PPP2R2B: variants seen among roughly 807,000 people sequenced by gnomAD.
PPP2R2B encodes the protein protein phosphatase 2 regulatory subunit Bbeta.
A neutral mutation model predicts 46.0 loss-of-function variants in PPP2R2B; 5 were observed. The ratio of observed to expected loss-of-function variants is 0.11; its 90% CI spans 0.06 to 0.23. The LOEUF (loss-of-function observed/expected upper bound fraction) is 0.23. Ranked by LOEUF, PPP2R2B falls within the 10% of genes least tolerant of loss-of-function variation. PPP2R2B has a pLI of 1.00. For missense variants in PPP2R2B, 367 were observed against 575.0 expected (o/e 0.64, Z 3.70); for synonymous variants, 215 against 206.7 (o/e 1.04, Z -0.34).
chr5:147,018,043 G>GCACACACACA (rs60161356), intron 1 of PPP2R2B, among the ~76,000 whole-genome samples: 1 of 48,246 alleles, frequency 2.1e-5, no homozygotes, highest in African/African-American at 1.3e-4. Flanking sequence ...GCATGCGCGC[G>GCACACACACA]CACACACACA....
At chr5:146,926,336 T>C (rs1018796509) in intron 1 of PPP2R2B, among the ~76,000 whole-genome samples, 4 of 152,156 alleles carry the variant, frequency 2.6e-5, no homozygotes, top group Non-Finnish European at 5.9e-5. Context: ...AGGCTACTAA[T>C]GCCTATGCTA....
intron 2 of PPP2R2B, among the ~76,000 whole-genome samples, chr5:146,810,317 C>A (rs1479941540): frequency 6.6e-6 from 1 of 152,014 alleles, no homozygotes; most frequent in African/African-American, 2.4e-5. Context: ...TGGTGGCGGG[C>A]AAGAGAAGAC....
intron 1 of PPP2R2B, among the ~76,000 whole-genome samples, chr5:146,947,873 CTCT>C (rs1384284762): frequency 6.6e-6 from 1 of 151,516 alleles, no homozygotes; most frequent in African/African-American, 2.4e-5. Flanking sequence ...CCCTTGCGTT[CTCT>C]TCTTTTCCTC....
intron 2 of PPP2R2B, among the ~76,000 whole-genome samples, chr5:146,721,966 G>T (rs1469410708): frequency 1.3e-5 from 2 of 152,206 alleles, no homozygotes; most frequent in African/African-American, 4.8e-5. Context: ...CAGGCTCTGT[G>T]TGAAGAACTT....
At chr5:146,807,776 C>CCTTTTTTTTTT (rs1757269168) in intron 2 of PPP2R2B, among the ~76,000 whole-genome samples, 2 of 36,902 alleles carry the variant, frequency 5.4e-5, no homozygotes, top group African/African-American at 1.6e-4. Context: ...GGGGTGCCTT[C>CCTTTTTTTTTT]TTTTTTTTTT....
At chr5:146,923,187 A>C (rs1763667471) in intron 1 of PPP2R2B, among the ~76,000 whole-genome samples, 1 of 152,198 alleles carries the variant, frequency 6.6e-6, no homozygotes, top group Non-Finnish European at 1.5e-5. Context: ...GATTCTCAAT[A>C]TATCTAGGTG....
intron 1 of PPP2R2B, chr5:146,922,476 C>G (rs1763639911): frequency 6.6e-6 from 1 of 152,190 alleles, no homozygotes; most frequent in Admixed American, 6.5e-5. Flanking sequence ...TGGTAGGAAG[C>G]AGCCTAGTGT....
intron 5 of PPP2R2B, among the ~76,000 whole-genome samples, chr5:146,654,363 C>A (rs1289921884): frequency 6.6e-6 from 1 of 152,190 alleles, no homozygotes; most frequent in Non-Finnish European, 1.5e-5. Context: ...TGAATGAGCA[C>A]ACCTAGCCAC....
At chr5:146,741,607 C>T (rs1038064169) in intron 2 of PPP2R2B, among the ~76,000 whole-genome samples, 18 of 152,196 alleles carry the variant, frequency 1.2e-4, no homozygotes, top group African/African-American at 4.1e-4. Context: ...CCTCTCGGGA[C>T]GTGGGGACAG....
At chr5:146,697,817 C>T (rs1268253765) in intron 4 of PPP2R2B, among the ~76,000 whole-genome samples, 162 bp downstream of exon 4, 2 of 152,008 alleles carry the variant, frequency 1.3e-5, no homozygotes, top group African/African-American at 4.8e-5. Context: ...TATTGAGGGC[C>T]GAATCTGTGT....
At chr5:146,660,598 C>T (rs1283313746) in intron 5 of PPP2R2B, among the ~76,000 whole-genome samples, 1 of 152,068 alleles carries the variant, frequency 6.6e-6, no homozygotes, top group Non-Finnish European at 1.5e-5. Flanking sequence ...CTCACCAGCA[C>T]CCCGCCAAAA....
chr5:146,972,967 AT>A (rs1411349991), intron 1 of PPP2R2B, among the ~76,000 whole-genome samples: 1 of 152,078 alleles, frequency 6.6e-6, no homozygotes, highest in Non-Finnish European at 1.5e-5. Flanking sequence ...TTTTTGCCAT[AT>A]AGATTTTAAA....
chr5:146,957,129 A>T (rs1329731580), intron 1 of PPP2R2B, among the ~76,000 whole-genome samples: 1 of 152,308 alleles, frequency 6.6e-6, no homozygotes, highest in Admixed American at 6.5e-5. Flanking sequence ...CATATTGTCC[A>T]ATATTTTACC....
intron 1 of PPP2R2B, among the ~76,000 whole-genome samples, chr5:147,019,618 A>G (rs1755168373): frequency 1.3e-5 from 2 of 152,038 alleles, no homozygotes; most frequent in African/African-American, 2.4e-5. Flanking sequence ...AAGTCTATCT[A>G]TTACTTTGAA....
At chr5:146,749,153 T>C (rs368205515) in intron 2 of PPP2R2B, among the ~76,000 whole-genome samples, 7 of 152,380 alleles carry the variant, frequency 4.6e-5, no homozygotes, top group African/African-American at 1.7e-4. Context: ...CCTTAATGGC[T>C]GATAGTGTTA....
Position 146,648,104 on chromosome 5 carries a change from C to T in PPP2R2B, c.625+2443G>A, listed in dbSNP as rs74335956. Among the ~76,000 whole-genome samples the T allele has an allele frequency of 1.3e-3, 193 of 152,314 alleles. 6 individuals are homozygous for T. The East Asian group carries it at 0.029, about 23-fold the overall frequency. On this transcript the variant is annotated intron_variant, in intron 6 of 9. Transcript: ENST00000394411. ...CTGGGCACACAGCCAGACTACATTT[C>T]CTAGGCTGCCTTGCAGTTAAGAGTT...
intron 2 of PPP2R2B, among the ~76,000 whole-genome samples, chr5:147,073,912 T>C (rs1308727942): frequency 2.6e-5 from 4 of 151,962 alleles, no homozygotes; most frequent in East Asian, 3.9e-4. Context: ...GGCAGGCACC[T>C]GTAATCCCAG....
chr5:146,912,438 G>A (rs995437228), intron 1 of PPP2R2B, among the ~76,000 whole-genome samples: 8 of 151,798 alleles, frequency 5.3e-5, no homozygotes, highest in African/African-American at 1.7e-4. Context: ...AATAGAGGGG[G>A]GATATTTAGG....
At chr5:146,999,871 T>A (rs1409128933) in intron 1 of PPP2R2B, among the ~76,000 whole-genome samples, 1 of 152,224 alleles carries the variant, frequency 6.6e-6, no homozygotes, top group East Asian at 1.9e-4. Flanking sequence ...ACATACTGCA[T>A]GTAAAGGCCA....
Sources: allele counts gnomAD v4.1 joint callset (sites outside exome capture counted in the v4.1 genomes callset), GRCh38; gene constraint gnomAD v4.1.1; transcripts MANE v1.5; gene names NCBI Gene and HGNC (gene_info 2026-07-23, HGNC 2026-07-21).